Variants in XKR4 observed in about 807,000 individuals in gnomAD.
XKR4 encodes XK-related protein 4.
In XKR4, 12 loss-of-function variants were observed where a neutral mutation model predicts 53.9. The observed-to-expected ratio is 0.22, with a 90% CI of 0.14 to 0.36. XKR4 has a LOEUF of 0.36. XKR4 is among the 10% of genes least tolerant of loss of function. The probability of loss-of-function intolerance (pLI) is 1.00; values close to 1 mark genes in which losing one functional copy is unlikely to be tolerated. For missense variants in XKR4, 799 were observed against 859.5 expected, an observed-to-expected ratio of 0.93 and a Z score of 0.88; for synonymous variants, 354 against 362.4, an observed-to-expected ratio of 0.98 and a Z score of 0.26.
chr8:55,427,640 G>T (rs1805036934), intron 2 of XKR4, among the ~76,000 whole-genome samples: 1 of 152,188 alleles, frequency 6.6e-6, no homozygotes, highest in South Asian at 2.1e-4. Context: ...TGAATAGTAA[G>T]CTCTGTGTAA....
At chr8:55,241,749 G>A (rs999442047) in intron 1 of XKR4, among the ~76,000 whole-genome samples, 6 of 152,128 alleles carry the variant, frequency 3.9e-5, no homozygotes, top group Non-Finnish European at 5.9e-5. Flanking sequence ...CTACCTTGAT[G>A]TTTCAGATTT....
At chr8:55,172,099 A>G (rs1347634447) in intron 1 of XKR4, among the ~76,000 whole-genome samples, 1 of 151,880 alleles carries the variant, frequency 6.6e-6, no homozygotes, top group African/African-American at 2.4e-5. Context: ...CTGTAATCCT[A>G]GCTACTCACA....
chr8:55,108,057 C>T (rs1048023169), intron 1 of XKR4, among the ~76,000 whole-genome samples: 5 of 152,064 alleles, frequency 3.3e-5, no homozygotes, highest in Admixed American at 6.5e-5. Context: ...AAACAGGAAA[C>T]GCAAACTGCC....
At chr8:55,144,354 G>A (rs1816743049) in intron 1 of XKR4, among the ~76,000 whole-genome samples, 1 of 151,448 alleles carries the variant, frequency 6.6e-6, no homozygotes, top group African/African-American at 2.4e-5. Context: ...AAGTCTGTAT[G>A]GAAAACAAAA....
At chr8:55,313,495 C>A (rs542201679) in intron 1 of XKR4, among the ~76,000 whole-genome samples, 5 of 152,132 alleles carry the variant, frequency 3.3e-5, no homozygotes, top group African/African-American at 1.2e-4. Flanking sequence ...AGTTACCCAG[C>A]GGCAGCATGC....
chr8:55,486,918 A>C (rs1806200142), intron 2 of XKR4, among the ~76,000 whole-genome samples: 1 of 152,216 alleles, frequency 6.6e-6, no homozygotes, highest in South Asian at 2.1e-4. Context: ...GAAGGAATGA[A>C]ATTCAGTTTC....
chr8:55,272,991 A>G, intron 1 of XKR4: 1 of 427,928 alleles, frequency 2.3e-6, no homozygotes, highest in Non-Finnish European at 4.6e-6. Flanking sequence ...AAAAGTGTCT[A>G]GAATGCCTCA....
chr8:55,103,783 A>C (rs1423871569), intron 1 of XKR4, among the ~76,000 whole-genome samples: 5 of 150,178 alleles, frequency 3.3e-5, no homozygotes, highest in South Asian at 2.1e-4. Flanking sequence ...AAAAGTACCC[A>C]CATATTAATG....
chr8:55,151,138 C>T (rs1021240670), intron 1 of XKR4, among the ~76,000 whole-genome samples: 25 of 152,134 alleles, frequency 1.6e-4, no homozygotes. Context: ...GTAATACACA[C>T]CCCAAATCAT....
chr8:55,480,295 A>G (rs1806079011), intron 2 of XKR4, among the ~76,000 whole-genome samples: 1 of 69,344 alleles, frequency 1.4e-5, no homozygotes, highest in South Asian at 3.6e-4. Context: ...AACCAAAGAC[A>G]AAAACCACAT....
chr8:55,377,231 G>A (rs955413719), intron 2 of XKR4, among the ~76,000 whole-genome samples: 1 of 152,238 alleles, frequency 6.6e-6, no homozygotes, highest in South Asian at 2.1e-4. Flanking sequence ...TTCACCTGTG[G>A]TGCACTCCTC....
chr8:55,351,713 C>T (rs1412998847), intron 1 of XKR4, among the ~76,000 whole-genome samples: 1 of 152,236 alleles, frequency 6.6e-6, no homozygotes, highest in African/African-American at 2.4e-5. Flanking sequence ...GCCAACATCA[C>T]TGGCCCCCCT....
intron 2 of XKR4, among the ~76,000 whole-genome samples, chr8:55,366,788 C>G (rs1803995231): frequency 6.6e-6 from 1 of 152,214 alleles, no homozygotes; most frequent in African/African-American, 2.4e-5. Context: ...CTCAATCACC[C>G]TGTTCTTGGA....
At chr8:55,174,983 G>A (rs1444071731) in intron 1 of XKR4, among the ~76,000 whole-genome samples, 3 of 152,200 alleles carry the variant, frequency 2.0e-5, no homozygotes, top group African/African-American at 7.2e-5. Context: ...TGTGATGGAG[G>A]TCAGCTACCA....
intron 1 of XKR4, among the ~76,000 whole-genome samples, chr8:55,187,305 C>CAAAAAAAAAAAAAAA (rs1168014848): frequency 1.0e-5 from 1 of 95,870 alleles, no homozygotes; most frequent in African/African-American, 4.0e-5. Context: ...TTTCCAGGAC[C>CAAAAAAAAAAAAAAA]AAAAAAAAAA....
At chr8:55,237,878 T>C (rs1186390711) in intron 1 of XKR4, among the ~76,000 whole-genome samples, 1 of 152,136 alleles carries the variant, frequency 6.6e-6, no homozygotes, top group Non-Finnish European at 1.5e-5. Flanking sequence ...TGTCACCATC[T>C]GTCTTCTCCC....
At chr8:55,494,529 G>A (rs778159908) in intron 2 of XKR4, among the ~76,000 whole-genome samples, 5 of 152,194 alleles carry the variant, frequency 3.3e-5, no homozygotes, top group African/African-American at 4.8e-5. Context: ...CGAGCAAGAC[G>A]AAGAGGAGTT....
At chr8:55,522,022 G>T (rs938568180) in intron 2 of XKR4, among the ~76,000 whole-genome samples, 3 of 152,146 alleles carry the variant, frequency 2.0e-5, no homozygotes, top group Non-Finnish European at 2.9e-5. Context: ...TCTTGGTTCA[G>T]CTCATTAGGG....
chr8:55,289,868 G>GA (rs1554516205), intron 1 of XKR4, among the ~76,000 whole-genome samples: 6 of 16,982 alleles, frequency 3.5e-4, no homozygotes, highest in African/African-American at 4.3e-4. Context: ...AAGAAAGAAA[G>GA]AAAGAAAGAA....
Sources: gnomAD v4.1 joint callset for allele counts (sites outside exome capture counted in the v4.1 genomes callset) on GRCh38, gnomAD v4.1.1 for gene constraint, MANE v1.5 for transcripts, NCBI Gene and HGNC (gene_info 2026-07-23, HGNC 2026-07-21) for gene names.